ITLN2: variants seen among roughly 807,000 people sequenced by gnomAD.
The protein encoded by ITLN2 is intelectin 2, also known as intelectin-2.
A neutral mutation model predicts 39.4 loss-of-function variants in ITLN2; 29 were observed. The observed-to-expected ratio is 0.74, with a 90% confidence interval of 0.55 to 1.00. The LOEUF (loss-of-function observed/expected upper bound fraction) is 1.00. ITLN2 is among the 50% of genes least tolerant of loss of function. The probability of loss-of-function intolerance (pLI) is 0.00; values close to 1 mark genes in which losing one functional copy is unlikely to be tolerated. For missense variants in ITLN2, 412 were observed against 416.7 expected (o/e 0.99, Z 0.10); for synonymous variants, 156 against 153.4 (o/e 1.02, Z -0.12).
Position 160,950,080 on chromosome 1 carries a change from C to T in ITLN2, c.687G>A (p.Lys229=). 1 of 1,613,852 alleles carries T rather than the reference C, an allele frequency of 6.2e-7. No individual in the cohort carries two copies. Among genetic ancestry groups the T allele is most frequent in the African/African-American group, 1.3e-5 (1 of 75,046 alleles). ...ACGGTGAGTAATAAGATGCAGTCTTCTTAGCATCACCAAAGTCATAGACCA... is the reference window on the plus strand; with the variant it reads ...ACGGTGAGTAATAAGATGCAGTCTTTTTAGCATCACCAAAGTCATAGACCA... ...IPVVYDFGDA[K]KTASYYSPYG... Residue 229 remains lysine, a synonymous_variant, in exon 6 of 8, where the codon AAG becomes AAA. Transcript: ENST00000368029.
At position 160,951,153 on chromosome 1, in the gene ITLN2, G is replaced by A. The variant is rs200061193; in HGVS notation, c.331C>T (p.Arg111Cys). 29 of 1,613,984 alleles carry A rather than the reference G, an allele frequency of 1.8e-5. No homozygotes were observed. Among genetic ancestry groups the A allele is most frequent in the Middle Eastern group, 3.3e-4 (2 of 6,084 alleles). Reference protein sequence around the residue: ...DMRGKCTVGDRWSSQQGNKAD... With the variant: ...DMRGKCTVGDCWSSQQGNKAD... ...TTGTTGCCCTGCTGACTGGACCAGC[G>A]ATCACCCACCGTGCACTTCCCACGC... Residue 111 changes from arginine (R) to cysteine (C), a missense_variant, in exon 4 of 8, where the codon CGC becomes TGC. By Grantham distance (180) the Arg-to-Cys change is radical. Transcript: ENST00000368029.
At chr1:160,950,864 C>T (rs1185934223) in intron 4 of ITLN2, 153 bp from the exon 5 acceptor site, 1 of 1,461,442 alleles carries the variant, frequency 6.8e-7, no homozygotes, top group Non-Finnish European at 9.3e-7. Flanking sequence ...GATGATCCCA[C>T]CACCACCCAG....
At chr1:160,954,011 G>A (rs1671808627) in intron 2 of ITLN2, among the ~76,000 whole-genome samples, 1 of 152,120 alleles carries the variant, frequency 6.6e-6, no homozygotes, top group Non-Finnish European at 1.5e-5. Context: ...CTAGAGGAGG[G>A]TGTACCCTGG....
chr1:160,950,106 C>G lies in ITLN2; in HGVS notation c.661G>C (p.Val221Leu). 1.2e-6 allele frequency: 2 copies of G among 1,613,548 alleles called. No individual in the cohort carries two copies. Among genetic ancestry groups the G allele is most frequent in the Non-Finnish European group, 8.5e-7 (1 of 1,179,474 alleles). The change falls in exon 6 of 8, where the codon GTG becomes CTG. Residue 221 changes from valine (V) to leucine (L), a missense_variant. Transcript: ENST00000368029. ...TTAGCATCACCAAAGTCATAGACCA[C>G]AGGTATGGCTGGGCCATTGTCATTC... ...CWNDNGPAIP[V>L]VYDFGDAKKT...
intron 7 of ITLN2, 93 bp downstream of exon 7, chr1:160,947,836 T>C (rs1340381991): frequency 1.1e-6 from 1 of 875,796 alleles, no homozygotes; most frequent in Non-Finnish European, 1.8e-6. Flanking sequence ...AAATGGAGTT[T>C]CTTATGTCTT....
intron 3 of ITLN2, 196 bp from the exon 4 acceptor site, chr1:160,951,486 ATCTTT>A (rs1480540114): frequency 3.1e-6 from 2 of 652,902 alleles, no homozygotes; most frequent in African/African-American, 3.7e-5. Flanking sequence ...GCTTCACACT[ATCTTT>A]TCAAAGAGTT....
rs889985690 is a variant in ITLN2 at position 160,951,111 on chromosome 1, C to T, written c.373G>A (p.Gly125Arg). ...QQGNKADYPE[G>R]DGNWANYNTF... ...TTGTAGTTGGCCCAGTTGCCATCCC[C>T]CTCTGGGTAGTCTGCTTTGTTGCCC... The change falls in exon 4 of 8, where the codon GGG becomes AGG. Residue 125 changes from glycine (G) to arginine (R), a missense_variant. Transcript: ENST00000368029. 6.2e-7 allele frequency: 1 copy of T among 1,614,198 alleles called. No homozygotes were observed. Among genetic ancestry groups the T allele is most frequent in the South Asian group, 1.1e-5 (1 of 91,090 alleles).
intron 6 of ITLN2, chr1:160,949,771 T>C (rs1671696644): frequency 2.8e-6 from 1 of 358,122 alleles, no homozygotes; most frequent in East Asian, 5.1e-5. Context: ...AACAGTCTGA[T>C]CTCTTTTTCT....
At chr1:160,953,329 C>T (rs1462594119) in intron 2 of ITLN2, among the ~76,000 whole-genome samples, 3 of 152,158 alleles carry the variant, frequency 2.0e-5, no homozygotes, top group Non-Finnish European at 4.4e-5. Context: ...GAAAAATTAA[C>T]AGAGGCCAGT....
Position 160,950,156 on chromosome 1 carries a change from A to G in ITLN2, c.611T>C (p.Val204Ala). 1 of 1,613,868 alleles carries G rather than the reference A, an allele frequency of 6.2e-7. No individual in the cohort carries two copies. Among genetic ancestry groups the G allele is most frequent in the Non-Finnish European group, 8.5e-7 (1 of 1,179,794 alleles). The part of the protein sequence containing the change: ...NLFGIYQKYP[V>A]KYRSGKCWND... ...CCAACATTTCCCTGATCTGTATTTC[A>G]CTGGGTATTTCTGCAGAGACCCAGA... Residue 204 changes from valine (V) to alanine (A), a missense_variant, in exon 6 of 8, where the codon GTG becomes GCG. Transcript: ENST00000368029.
chr1:160,950,528 C>A (rs757228738), intron 5 of ITLN2, 25 bp downstream of exon 5: 2 of 1,606,616 alleles, frequency 1.2e-6, no homozygotes, highest in African/African-American at 2.7e-5. Context: ...AAAGAAAGTG[C>A]CCCCCAGCCA....
At chr1:160,952,543 C>T (rs1211829349) in intron 3 of ITLN2, 77 bp downstream of exon 3, 2 of 999,640 alleles carry the variant, frequency 2.0e-6, no homozygotes, top group East Asian at 4.8e-5. Flanking sequence ...ATATGTCCCT[C>T]CTGATTTCCA....
At position 160,951,296 on chromosome 1, in the gene ITLN2, G is replaced by A. The variant is rs769568179; in HGVS notation, c.194-6C>T. The A allele has an allele frequency of 1.7e-5, 27 of 1,569,550 alleles. No homozygotes were observed. The East Asian group carries it at 6.1e-4, about 35-fold the overall frequency. ...GCGGAGAAAATACAGGCCATCTGTA[G>A]AGAGAACCAGCCCAGAGCCTCCCTG... On this transcript the variant is annotated splice_region_variant and splice_polypyrimidine_tract_variant and intron_variant, in intron 3 of 7. Coordinates refer to ENST00000368029, the MANE Select transcript of ITLN2 (RefSeq NM_080878.3).
Position 160,950,135 on chromosome 1 carries a change from C to A in ITLN2, c.632G>T (p.Cys211Phe). Reference sequence around the variant, plus strand: ...TATGGCTGGGCCATTGTCATTCCAACATTTCCCTGATCTGTATTTCACTGG... The same window carrying A: ...TATGGCTGGGCCATTGTCATTCCAAAATTTCCCTGATCTGTATTTCACTGG... ...KYPVKYRSGK[C>F]WNDNGPAIPV... The change falls in exon 6 of 8, where the codon TGT becomes TTT. Residue 211 changes from cysteine (C) to phenylalanine (F), a missense_variant. Physicochemically the swap from Cys to Phe is radical, Grantham distance 205. Coordinates refer to ENST00000368029, the MANE Select transcript of ITLN2 (RefSeq NM_080878.3). 1.2e-6 allele frequency: 2 copies of A among 1,613,918 alleles called. No individual in the cohort carries two copies. Among genetic ancestry groups the A allele is most frequent in the Non-Finnish European group, 1.7e-6 (2 of 1,179,784 alleles).
chr1:160,949,160 T>A (rs1339320873), intron 6 of ITLN2: 4 of 150,682 alleles, frequency 2.7e-5, no homozygotes, highest in Non-Finnish European at 5.9e-5. Context: ...TACATAAACA[T>A]CTCGGTGCAT....
intron 7 of ITLN2, among the ~76,000 whole-genome samples, chr1:160,946,740 C>T (rs1671614043): frequency 6.6e-6 from 1 of 151,012 alleles, no homozygotes; most frequent in Non-Finnish European, 1.5e-5. Flanking sequence ...AAGAAAAGGA[C>T]TCTTCAAAGA....
rs983275695 is a variant in ITLN2, at chr1:160,951,247, C to A, written c.237G>T (p.Gln79His). 16 of 1,608,472 alleles carry A rather than the reference C, an allele frequency of 9.9e-6. No homozygotes were observed. The Admixed American group carries it at 2.5e-4, about 25-fold the overall frequency. ...FLRTKNGVVY[Q>H]TFCDMTSGGG... ...CCCCAGAAGTCATGTCACAGAAGGT[C>A]TGGTAGACAACACCATTCTTGGTGC... is the stretch of plus-strand genomic sequence containing the variant. The change falls in exon 4 of 8, where the codon CAG becomes CAT. Residue 79 changes from glutamine to histidine, a missense_variant. Gln to His is a conservative substitution (Grantham distance 24). Transcript: ENST00000368029.
intron 7 of ITLN2, 144 bp downstream of exon 7, chr1:160,947,785 C>G (rs1444653452): frequency 1.1e-5 from 7 of 608,792 alleles, no homozygotes; most frequent in Non-Finnish European, 1.7e-5. Context: ...TACAGGTTAA[C>G]AGCATCTCAA....
chr1:160,952,830 T>G (rs1671776215), intron 2 of ITLN2, 97 bp from the exon 3 acceptor site: 2 of 876,526 alleles, frequency 2.3e-6, no homozygotes, highest in East Asian at 5.1e-5. Context: ...CACTCTGCTC[T>G]GAAGTCCCAG....
Sources: gnomAD v4.1 joint callset for allele counts (sites outside exome capture counted in the v4.1 genomes callset) on GRCh38, gnomAD v4.1.1 for gene constraint, MANE v1.5 for transcripts, NCBI Gene and HGNC (gene_info 2026-07-23, HGNC 2026-07-21) for gene names.